IQGAP2: variants seen among roughly 807,000 people sequenced by gnomAD.
IQGAP2 encodes ras GTPase-activating-like protein IQGAP2.
IQGAP2 carries 173 observed loss-of-function variants against 201.3 expected under a neutral mutation model. The ratio of observed to expected loss-of-function variants is 0.86; its 90% CI spans 0.76 to 0.98. IQGAP2 has a LOEUF of 0.98. Among genes scored for constraint, IQGAP2 ranks in the 50% least tolerant of loss-of-function variants. IQGAP2 has a pLI of 0.00. For synonymous variants in IQGAP2, 675 were observed against 673.9 expected (o/e 1.00, Z -0.03); for missense variants, 1,687 against 1,864.8 (o/e 0.90, Z 1.76).
chr5:76,618,208 G>C, intron 13 of IQGAP2: 6 of 1,614,154 alleles, frequency 3.7e-6, no homozygotes, highest in Non-Finnish European at 5.1e-6. Flanking sequence ...GTGGTGGCCC[G>C]GCACAGGACC....
intron 17 of IQGAP2, among the ~76,000 whole-genome samples, chr5:76,642,278 G>A (rs1751646806): frequency 6.6e-6 from 1 of 152,144 alleles, no homozygotes. Flanking sequence ...CAGTGTTGCA[G>A]TTGGAAGATA....
At chr5:76,623,418 G>T (rs1171016051) in intron 13 of IQGAP2, 2 of 615,288 alleles carry the variant, frequency 3.3e-6, no homozygotes, top group African/African-American at 3.7e-5. Context: ...TAATCCACTC[G>T]ATGCTTCAGT....
chr5:76,646,663 T>C (rs974766604), intron 17 of IQGAP2, among the ~76,000 whole-genome samples: 1 of 152,214 alleles, frequency 6.6e-6, no homozygotes, highest in African/African-American at 2.4e-5. Context: ...AAGCATTTGA[T>C]AGAATTCTAG....
In IQGAP2 at chr5:76,641,119, G is replaced by A. The variant is rs457821; in HGVS notation, c.2094+16G>A. 1,012,704 of 1,563,964 alleles carry A rather than the reference G, an allele frequency of 0.65. 329,881 individuals carry two copies. The highest frequency in any genetic ancestry group is 0.77 in the South Asian group (67,452 of 87,756). ...CAAAATACAGGTATGTGGATCACCT[G>A]CCACTGTTTACACAAAACTGTCATA... On this transcript the variant is annotated intron_variant, in intron 17 of 35. Coordinates refer to ENST00000274364, the MANE Select transcript of IQGAP2 (RefSeq NM_006633.5).
At chr5:76,550,881 G>T (rs951521144) in intron 2 of IQGAP2, among the ~76,000 whole-genome samples, 6 of 152,300 alleles carry the variant, frequency 3.9e-5, no homozygotes, top group Non-Finnish European at 5.9e-5. Flanking sequence ...CCTCCTAGAC[G>T]GGGTGGCGGC....
chr5:76,466,986 C>T (rs1023745016), intron 2 of IQGAP2, among the ~76,000 whole-genome samples: 5 of 152,198 alleles, frequency 3.3e-5, no homozygotes, highest in Admixed American at 6.5e-5. Flanking sequence ...TGAGGTGGCT[C>T]ACACCTGTAA....
chr5:76,447,526 G>A (rs989178046), intron 1 of IQGAP2, among the ~76,000 whole-genome samples: 2 of 152,186 alleles, frequency 1.3e-5, no homozygotes, highest in Non-Finnish European at 2.9e-5. Flanking sequence ...CACGTCCGTC[G>A]AGAGCTGCCA....
In IQGAP2 at chr5:76,440,342, T is replaced by G. The variant is rs372265605; in HGVS notation, c.47-21228T>G. ...GAGTTCAAGACTTAGCTGGCCAACA[T>G]AGTGAGATCCTTTCTCTTTTTAAAA... On this transcript the variant is annotated intron_variant, in intron 1 of 35. Coordinates refer to ENST00000274364, the MANE Select transcript of IQGAP2 (RefSeq NM_006633.5). Among the ~76,000 whole-genome samples the G allele has an allele frequency of 5.9e-5, 9 of 152,186 alleles. No individual in the cohort carries two copies. In the East Asian group the frequency reaches 1.4e-3, roughly 23 times the overall value.
rs1235582075 is a variant in IQGAP2, at chr5:76,557,817, T to A, written c.147-4579T>A. The stretch of plus-strand genomic sequence containing the variant: ...GTTTTATTTATTTATTTATTTTTAA[T>A]TTTTTTTGAGACAGAGTCTCACTCT... On this transcript the variant is annotated intron_variant, in intron 2 of 35. Coordinates refer to ENST00000274364, the MANE Select transcript of IQGAP2 (RefSeq NM_006633.5). Among the ~76,000 whole-genome samples the A allele has an allele frequency of 2.0e-5, 3 of 152,176 alleles. 1 individual carries two copies. Among genetic ancestry groups the A allele is most frequent in the South Asian group, 4.1e-4 (2 of 4,822 alleles).
At chr5:76,488,003 C>T (rs1442434008) in intron 2 of IQGAP2, among the ~76,000 whole-genome samples, 1 of 152,198 alleles carries the variant, frequency 6.6e-6, no homozygotes, top group Non-Finnish European at 1.5e-5. Context: ...GGAGCCTATC[C>T]TCACATCTGG....
In IQGAP2 at chr5:76,456,502, T is replaced by C. The variant is rs1754092591; in HGVS notation, c.47-5068T>C. Among the ~76,000 whole-genome samples the C allele has an allele frequency of 2.6e-5, 4 of 152,260 alleles. No homozygotes were observed. The South Asian group carries it at 8.3e-4, about 32-fold the overall frequency. On this transcript the variant is annotated intron_variant, in intron 1 of 35. Transcript: ENST00000274364. ...CTTACCTGAAATCTTGGACTTTAGG[T>C]TCTCTCATCTTTATATTCCATTCTC... is the stretch of plus-strand genomic sequence containing the variant.
intron 2 of IQGAP2, among the ~76,000 whole-genome samples, chr5:76,533,034 G>C (rs10035948): frequency 0.26 from 40,026 of 152,214 alleles, 5,594 homozygotes; most frequent in South Asian, 0.51. Flanking sequence ...CCAATGGGAA[G>C]AGGGTGCTGA....
chr5:76,409,077 G>C (rs1015540488), intron 1 of IQGAP2, among the ~76,000 whole-genome samples: 2 of 151,584 alleles, frequency 1.3e-5, no homozygotes, highest in African/African-American at 4.9e-5. Context: ...ACAGGTGTGA[G>C]CCACCACGCC....
chr5:76,500,628 GC>G (rs1178684594), intron 2 of IQGAP2, among the ~76,000 whole-genome samples: 3 of 152,098 alleles, frequency 2.0e-5, no homozygotes, highest in Non-Finnish European at 4.4e-5. Context: ...GTCTCTATGA[GC>G]CCCTTTTGTG....
intron 14 of IQGAP2, among the ~76,000 whole-genome samples, chr5:76,628,207 G>T (rs1385464658): frequency 6.6e-6 from 1 of 152,208 alleles, no homozygotes; most frequent in African/African-American, 2.4e-5. Context: ...GTACTTAGGA[G>T]AAAGTACATA....
At chr5:76,586,963 GC>G (rs1746290716) in intron 5 of IQGAP2, among the ~76,000 whole-genome samples, 1 of 152,208 alleles carries the variant, frequency 6.6e-6, no homozygotes, top group Admixed American at 6.5e-5. Context: ...GTACTGCATA[GC>G]TTCCCAGTTC....
intron 21 of IQGAP2, among the ~76,000 whole-genome samples, chr5:76,662,512 G>C (rs1743345886): frequency 6.6e-6 from 1 of 152,154 alleles, no homozygotes; most frequent in Non-Finnish European, 1.5e-5. Context: ...CACTTGGGAG[G>C]GAAAAGGGGG....
intron 33 of IQGAP2, among the ~76,000 whole-genome samples, chr5:76,700,110 A>G (rs1454644248): frequency 6.6e-6 from 1 of 152,170 alleles, no homozygotes; most frequent in African/African-American, 2.4e-5. Flanking sequence ...CATGCAAGGA[A>G]GAAGTTGGTC....
intron 16 of IQGAP2, among the ~76,000 whole-genome samples, chr5:76,638,940 T>G (rs1352920051): frequency 1.3e-5 from 2 of 152,158 alleles, no homozygotes; most frequent in Non-Finnish European, 1.5e-5. Context: ...GTCAGAGGAA[T>G]GTGAAATTGG....
Sources: allele counts gnomAD v4.1 joint callset (sites outside exome capture counted in the v4.1 genomes callset), GRCh38; gene constraint gnomAD v4.1.1; transcripts MANE v1.5; gene names NCBI Gene and HGNC (gene_info 2026-07-23, HGNC 2026-07-21).